The following QKI variants were observed in gnomAD, a reference collection of about 807,000 sequenced individuals.
The protein encoded by QKI is KH domain-containing RNA-binding protein QKI.
A neutral mutation model predicts 39.0 loss-of-function variants in QKI; 10 were observed. The observed-to-expected ratio is 0.26, with a 90% CI of 0.16 to 0.43. The LOEUF (loss-of-function observed/expected upper bound fraction) is 0.43, where lower values mean the gene tolerates loss of function less well. Ranked by LOEUF, QKI falls within the 20% of genes least tolerant of loss-of-function variation. The pLI is 1.00. For synonymous variants in QKI, 204 were observed against 155.4 expected (o/e 1.31, Z -2.33); for missense variants, 218 against 428.0 (o/e 0.51, Z 4.33).
chr6:163,506,542 T>G (rs769130134), intron 3 of QKI, among the ~76,000 whole-genome samples: 1 of 152,170 alleles, frequency 6.6e-6, no homozygotes. Flanking sequence ...TTTATTTAGA[T>G]TTTTCAATGT....
chr6:163,562,200 A>G (rs895602091), intron 5 of QKI, 131 bp downstream of exon 5: 2 of 495,662 alleles, frequency 4.0e-6, no homozygotes, highest in African/African-American at 3.9e-5. Context: ...GTCACTTGAT[A>G]TGGGGCTGAC....
intron 3 of QKI, among the ~76,000 whole-genome samples, chr6:163,514,894 T>C (rs963115256): frequency 6.6e-6 from 1 of 152,156 alleles, no homozygotes; most frequent in African/African-American, 2.4e-5. Context: ...TAGCTATAAC[T>C]ACATTGAAAT....
At chr6:163,444,054 G>A (rs2128215849) in intron 1 of QKI, among the ~76,000 whole-genome samples, 1 of 152,286 alleles carries the variant, frequency 6.6e-6, no homozygotes, top group East Asian at 1.9e-4. Context: ...GGTGTTTTCC[G>A]AGGATGTAAT....
At chr6:163,459,454 C>G (rs538490657) in intron 2 of QKI, among the ~76,000 whole-genome samples, 32 of 152,192 alleles carry the variant, frequency 2.1e-4, no homozygotes, top group African/African-American at 6.0e-4. Flanking sequence ...CTCCAGCCCC[C>G]CAACAAAGAA....
chr6:163,476,232 ATATG>A (rs1792589330), intron 2 of QKI, among the ~76,000 whole-genome samples: 1 of 152,150 alleles, frequency 6.6e-6, no homozygotes, highest in Non-Finnish European at 1.5e-5. Context: ...GAGGATAAAA[ATATG>A]TACAACCATT....
In QKI at chr6:163,574,309, A is replaced by G. The variant is rs1195866268; in HGVS notation, c.*3599A>G. Reference sequence around the variant, plus strand: ...GAGAAACTGTTGATATTTTACCTTTATTTAGATTTTTGTTTTAACTTGACC... The same window carrying G: ...GAGAAACTGTTGATATTTTACCTTTGTTTAGATTTTTGTTTTAACTTGACC... On this transcript the variant is annotated 3_prime_UTR_variant, in exon 8 of 8. Transcript: ENST00000361752. 1 of 152,126 alleles carries G rather than the reference A, an allele frequency of 6.6e-6. No individual in the cohort carries two copies. The highest frequency in any genetic ancestry group is 2.4e-5 in the African/African-American group (1 of 41,426). The allele number at this position is 152,126 out of a possible 1,614,324, so 9.4% of individuals were successfully genotyped here.
At chr6:163,529,344 A>G (rs774214693) in intron 3 of QKI, among the ~76,000 whole-genome samples, 12 of 152,216 alleles carry the variant, frequency 7.9e-5, no homozygotes, top group Non-Finnish European at 1.5e-4. Context: ...ATGCTCTTCA[A>G]TCATAAAAGT....
At chr6:163,455,529 G>A (rs554109774) in intron 2 of QKI, 108 bp downstream of exon 2, 1 of 1,130,916 alleles carries the variant, frequency 8.8e-7, no homozygotes, top group Non-Finnish European at 1.2e-6. Flanking sequence ...TTAAAAAAAT[G>A]CAGTCATCAA....
chr6:163,465,580 G>A (rs1341064950), intron 2 of QKI, among the ~76,000 whole-genome samples: 1 of 146,558 alleles, frequency 6.8e-6, no homozygotes, highest in African/African-American at 2.6e-5. Flanking sequence ...AGTGAGCTGA[G>A]ATTGCACCAT....
At chr6:163,543,090 A>G (rs896710450) in intron 4 of QKI, among the ~76,000 whole-genome samples, 1 of 152,036 alleles carries the variant, frequency 6.6e-6, no homozygotes, top group African/African-American at 2.4e-5. Flanking sequence ...TAACCTGAAA[A>G]TGTTAAGAGT....
intron 4 of QKI, among the ~76,000 whole-genome samples, chr6:163,556,704 T>C (rs1782647757): frequency 6.6e-6 from 1 of 152,152 alleles, no homozygotes; most frequent in African/African-American, 2.4e-5. Context: ...TTCTGTTTGT[T>C]ACGGACTGGA....
intron 1 of QKI, among the ~76,000 whole-genome samples, chr6:163,421,538 T>C (rs535504158): frequency 4.6e-5 from 7 of 150,784 alleles, no homozygotes; most frequent in Admixed American, 3.3e-4. Context: ...AGTGCTGCTT[T>C]GGTGTGTTCA....
chr6:163,559,547 T>C (rs1782867234), intron 4 of QKI, among the ~76,000 whole-genome samples: 1 of 152,216 alleles, frequency 6.6e-6, no homozygotes. Flanking sequence ...ACTTACTTTT[T>C]GTTCATCTTT....
chr6:163,460,629 TTTTAGA>T (rs1345863873), intron 2 of QKI, among the ~76,000 whole-genome samples: 1 of 152,034 alleles, frequency 6.6e-6, no homozygotes, highest in African/African-American at 2.4e-5. Context: ...CTGGCGTTTG[TTTTAGA>T]GGGATTATGG....
intron 3 of QKI, among the ~76,000 whole-genome samples, chr6:163,507,437 C>T (rs527577380): frequency 6.6e-6 from 1 of 152,244 alleles, no homozygotes; most frequent in Admixed American, 6.5e-5. Context: ...AGAGTTGGTC[C>T]TTGAAGGAAG....
chr6:163,469,281 C>T (rs1792010534), intron 2 of QKI, among the ~76,000 whole-genome samples: 1 of 152,078 alleles, frequency 6.6e-6, no homozygotes, highest in Admixed American at 6.6e-5. Flanking sequence ...TATGTGGTCA[C>T]AGAGTGTAGG....
At chr6:163,530,873 ACCT>A (rs1430397778) in intron 3 of QKI, among the ~76,000 whole-genome samples, 1 of 152,050 alleles carries the variant, frequency 6.6e-6, no homozygotes, top group Non-Finnish European at 1.5e-5. Flanking sequence ...TTCATCTGGA[ACCT>A]CAGATCCCTC....
At chr6:163,468,976 A>T (rs1309142074) in intron 2 of QKI, among the ~76,000 whole-genome samples, 1 of 151,956 alleles carries the variant, frequency 6.6e-6, no homozygotes, top group African/African-American at 2.4e-5. Flanking sequence ...TTTCAGCTGT[A>T]CTAGAGTCCT....
intron 3 of QKI, among the ~76,000 whole-genome samples, chr6:163,483,644 A>G (rs1014262694): frequency 5.3e-5 from 8 of 152,158 alleles, no homozygotes; most frequent in Non-Finnish European, 1.0e-4. Flanking sequence ...TTCAGGCTAC[A>G]CTTCTAATTC....
Sources: allele counts gnomAD v4.1 joint callset (sites outside exome capture counted in the v4.1 genomes callset), GRCh38; gene constraint gnomAD v4.1.1; transcripts MANE v1.5; gene names NCBI Gene and HGNC (gene_info 2026-07-23, HGNC 2026-07-21).